Variants in ZNF532 observed in about 807,000 individuals in gnomAD.
ZNF532 encodes zinc finger protein 532.
Under a neutral mutation model 89.3 loss-of-function variants are expected in ZNF532, and 22 were observed. The ratio of observed to expected loss-of-function variants is 0.25; its 90% CI spans 0.18 to 0.35. ZNF532 has a LOEUF of 0.35. Ranked by LOEUF, ZNF532 falls within the 10% of genes least tolerant of loss-of-function variation. ZNF532 has a pLI of 1.00. For missense variants in ZNF532, 1,132 were observed against 1,643.4 expected (o/e 0.69, Z 5.38); for synonymous variants, 606 against 649.6 (o/e 0.93, Z 1.02).
chr18:58,908,663 ATTTGC>A (rs1335510156), intron 2 of ZNF532, among the ~76,000 whole-genome samples: 1 of 152,246 alleles, frequency 6.6e-6, no homozygotes, highest in Non-Finnish European at 1.5e-5. Flanking sequence ...CTAATGCATA[ATTTGC>A]AACAATAAAA....
chr18:58,884,270 A>G (rs2058127593), intron 2 of ZNF532, among the ~76,000 whole-genome samples: 1 of 152,242 alleles, frequency 6.6e-6, no homozygotes, highest in Non-Finnish European at 1.5e-5. Context: ...AATCCCAGCT[A>G]CTTGGAGGGC....
At chr18:58,924,651 T>C (rs1405197567) in intron 3 of ZNF532, among the ~76,000 whole-genome samples, 1 of 152,190 alleles carries the variant, frequency 6.6e-6, no homozygotes, top group Non-Finnish European at 1.5e-5. Flanking sequence ...CTTCATCCAG[T>C]TCCCCACAAT....
chr18:58,875,185 T>C (rs1396515778), intron 2 of ZNF532, among the ~76,000 whole-genome samples: 1 of 152,154 alleles, frequency 6.6e-6, no homozygotes, highest in African/African-American at 2.4e-5. Flanking sequence ...TTAAAACTTT[T>C]TTTTCCTGGA....
At chr18:58,903,978 T>A (rs1020556428) in intron 2 of ZNF532, among the ~76,000 whole-genome samples, 3 of 152,222 alleles carry the variant, frequency 2.0e-5, no homozygotes, top group Admixed American at 2.0e-4. Flanking sequence ...ACTAATTTTT[T>A]AAAACTTCCC....
intron 2 of ZNF532, among the ~76,000 whole-genome samples, chr18:58,900,980 A>T (rs1394360453): frequency 6.6e-6 from 1 of 152,170 alleles, no homozygotes; most frequent in South Asian, 2.1e-4. Flanking sequence ...GGGTTTCAGG[A>T]GGGAAGGGAA....
At chr18:58,980,420 T>A (rs1230268919) in intron 8 of ZNF532, 1 of 152,200 alleles carries the variant, frequency 6.6e-6, no homozygotes, top group East Asian at 1.9e-4. Context: ...AAAAAATTCA[T>A]CCTCATGGAG....
At chr18:58,888,754 TAAAATTA>T (rs1568245739) in intron 2 of ZNF532, among the ~76,000 whole-genome samples, 795 of 44,088 alleles carry the variant, frequency 0.018, 59 homozygotes, top group East Asian at 0.15. Context: ...TATATATATA[TAAAATTA>T]ATATATATAA....
intron 7 of ZNF532, among the ~76,000 whole-genome samples, chr18:58,976,536 A>G (rs1338805320): frequency 1.4e-5 from 2 of 140,760 alleles, no homozygotes; most frequent in Non-Finnish European, 3.1e-5. Context: ...TAGAAAGATG[A>G]CTTTCAGTTG....
At chr18:58,973,976 G>A (rs1024695077) in intron 7 of ZNF532, among the ~76,000 whole-genome samples, 2 of 152,148 alleles carry the variant, frequency 1.3e-5, no homozygotes, top group African/African-American at 2.4e-5. Flanking sequence ...TGCTAAGAGC[G>A]GGGTCGAGGG....
chr18:58,874,038 CTGT>C (rs2057223503), intron 2 of ZNF532, among the ~76,000 whole-genome samples: 1 of 152,132 alleles, frequency 6.6e-6, no homozygotes, highest in Non-Finnish European at 1.5e-5. Flanking sequence ...ACAATCTTAG[CTGT>C]TGTTTTGTGG....
At chr18:58,876,903 A>G (rs143924166) in intron 2 of ZNF532, among the ~76,000 whole-genome samples, 14 of 152,226 alleles carry the variant, frequency 9.2e-5, no homozygotes, top group Non-Finnish European at 1.9e-4. Flanking sequence ...TCTCTACAAG[A>G]AATAAAATTA....
intron 2 of ZNF532, among the ~76,000 whole-genome samples, chr18:58,900,437 C>A (rs551369732): frequency 6.6e-6 from 1 of 152,184 alleles, no homozygotes; most frequent in African/African-American, 2.4e-5. Context: ...TCCTCTCCCT[C>A]CTCCCTAGCT....
chr18:58,934,664 C>T (rs781745841), intron 4 of ZNF532, 50 bp downstream of exon 4: 22 of 1,555,562 alleles, frequency 1.4e-5, no homozygotes, highest in Middle Eastern at 3.4e-4. Flanking sequence ...CACTTACAAC[C>T]GCACAGCATT....
rs60573111 is a variant in ZNF532, at chr18:58,888,888, A to ATT, written c.-18+23312_-18+23313dup. Among the ~76,000 whole-genome samples the ATT allele has an allele frequency of 2.8e-3, 129 of 45,406 alleles. 11 individuals are homozygous for ATT. Among genetic ancestry groups the ATT allele is most frequent in the African/African-American group, 0.012 (114 of 9,734 alleles). 29.8% of individuals were successfully genotyped at this position (45,406 alleles called of 152,430 possible). On this transcript the variant is annotated intron_variant, in intron 2 of 9. Coordinates refer to ENST00000591808, the MANE Select transcript of ZNF532 (RefSeq NM_001375912.1). ...TATATAATATATATTATATATATAT[A>ATT]TTTTATATATATATATATATATATA...
intron 5 of ZNF532, 40 bp downstream of exon 5, chr18:58,939,661 A>G (rs2062809967): frequency 3.2e-6 from 5 of 1,574,906 alleles, no homozygotes; most frequent in Non-Finnish European, 4.3e-6. Flanking sequence ...CCACTGCTTT[A>G]TTAGCAATTT....
At chr18:58,978,591 A>G (rs1339947157) in intron 7 of ZNF532, among the ~76,000 whole-genome samples, 4 of 152,154 alleles carry the variant, frequency 2.6e-5, no homozygotes, top group Admixed American at 2.6e-4. Context: ...TAGCCCCATC[A>G]TGGTTACCTC....
chr18:58,952,794 C>T (rs2064346290), intron 6 of ZNF532, among the ~76,000 whole-genome samples: 1 of 152,140 alleles, frequency 6.6e-6, no homozygotes, highest in African/African-American at 2.4e-5. Flanking sequence ...CTAATTTTGC[C>T]CTTTTCAAAT....
At chr18:58,883,361 G>T (rs1173127008) in intron 2 of ZNF532, among the ~76,000 whole-genome samples, 2 of 152,150 alleles carry the variant, frequency 1.3e-5, no homozygotes, top group Non-Finnish European at 2.9e-5. Context: ...AGTGAATTTG[G>T]TATCTAGTGA....
intron 2 of ZNF532, among the ~76,000 whole-genome samples, chr18:58,890,678 A>G (rs1183487096): frequency 6.7e-6 from 1 of 150,238 alleles, no homozygotes; most frequent in Non-Finnish European, 1.5e-5. Context: ...CTCACCAGTC[A>G]CTGTAATATG....
Sources: gnomAD v4.1 joint callset for allele counts (sites outside exome capture counted in the v4.1 genomes callset) on GRCh38, gnomAD v4.1.1 for gene constraint, MANE v1.5 for transcripts, NCBI Gene and HGNC (gene_info 2026-07-23, HGNC 2026-07-21) for gene names.